Variants in MACROD2 observed in about 807,000 individuals in gnomAD.
MACROD2 encodes ADP-ribose glycohydrolase MACROD2.
In MACROD2, 36 loss-of-function variants were observed where a neutral mutation model predicts 70.4. The observed-to-expected ratio is 0.51, with a 90% CI of 0.39 to 0.68. The LOEUF (loss-of-function observed/expected upper bound fraction) is 0.68, where lower values mean the gene tolerates loss of function less well. Ranked by LOEUF, MACROD2 falls within the 30% of genes least tolerant of loss-of-function variation. The pLI is 0.00. For synonymous variants in MACROD2, 172 were observed against 178.8 expected, an observed-to-expected ratio of 0.96 and a Z score of 0.30; for missense variants, 496 against 538.4, an observed-to-expected ratio of 0.92 and a Z score of 0.78.
At chr20:15,453,367 G>T (rs2046670506) in intron 7 of MACROD2, among the ~76,000 whole-genome samples, 1 of 151,864 alleles carries the variant, frequency 6.6e-6, no homozygotes, top group Non-Finnish European at 1.5e-5. Context: ...ATTCAGATGT[G>T]ATCTTACCAG....
chr20:15,529,627 A>T (rs1255272974), intron 8 of MACROD2, among the ~76,000 whole-genome samples: 1 of 146,782 alleles, frequency 6.8e-6, no homozygotes, highest in South Asian at 2.1e-4. Context: ...AAGTGAATTG[A>T]AAAAAAAATC....
At chr20:14,841,519 G>T (rs1324547638) in intron 5 of MACROD2, among the ~76,000 whole-genome samples, 1 of 107,170 alleles carries the variant, frequency 9.3e-6, no homozygotes, top group East Asian at 2.1e-4. Context: ...TCAAGTAGAT[G>T]TTTTCAGGAA....
intron 5 of MACROD2, among the ~76,000 whole-genome samples, chr20:15,193,318 C>G (rs1301601335): frequency 6.6e-6 from 1 of 152,040 alleles, no homozygotes; most frequent in African/African-American, 2.4e-5. Flanking sequence ...GCTCTTTCTG[C>G]TTGAACTGTA....
chr20:14,625,066 A>G (rs1000578764), intron 4 of MACROD2, among the ~76,000 whole-genome samples: 1 of 152,126 alleles, frequency 6.6e-6, no homozygotes, highest in African/African-American at 2.4e-5. Context: ...GTGGTGGCTC[A>G]TGTCTGTAAT....
intron 8 of MACROD2, among the ~76,000 whole-genome samples, chr20:15,684,832 T>C (rs1230596626): frequency 6.6e-6 from 1 of 152,174 alleles, no homozygotes; most frequent in Non-Finnish European, 1.5e-5. Context: ...AAATTGAACA[T>C]GCATGTTTAT....
intron 11 of MACROD2, 142 bp downstream of exon 11, chr20:15,933,480 G>A: frequency 3.0e-6 from 2 of 661,856 alleles, no homozygotes; most frequent in Non-Finnish European, 5.0e-6. Flanking sequence ...CCCTCAGGAA[G>A]CCACCATCTC....
chr20:15,449,379 G>A (rs2046610886), intron 7 of MACROD2, among the ~76,000 whole-genome samples: 1 of 152,038 alleles, frequency 6.6e-6, no homozygotes, highest in Non-Finnish European at 1.5e-5. Context: ...AGCTTGAGGG[G>A]CATTTTTTAA....
intron 6 of MACROD2, among the ~76,000 whole-genome samples, chr20:15,388,116 G>A (rs1207897909): frequency 7.9e-5 from 12 of 151,988 alleles, no homozygotes; most frequent in Admixed American, 7.9e-4. Context: ...GACCTCAGTT[G>A]TATCTTAAGG....
intron 8 of MACROD2, among the ~76,000 whole-genome samples, chr20:15,830,762 G>A (rs1374638948): frequency 1.3e-5 from 2 of 152,100 alleles, no homozygotes; most frequent in African/African-American, 4.8e-5. Flanking sequence ...ATTATGAAAA[G>A]GAAATTAAAT....
At chr20:14,716,158 T>A (rs1395675769) in intron 5 of MACROD2, among the ~76,000 whole-genome samples, 1 of 152,232 alleles carries the variant, frequency 6.6e-6, no homozygotes, top group South Asian at 2.1e-4. Context: ...AGAGCCATGC[T>A]CTTTTGGAAT....
chr20:14,691,203 C>A (rs1041816339), intron 5 of MACROD2, among the ~76,000 whole-genome samples: 3 of 152,196 alleles, frequency 2.0e-5, no homozygotes, highest in African/African-American at 7.2e-5. Flanking sequence ...AGGTGTGAAC[C>A]ACAGCACCTG....
At chr20:15,037,702 A>G (rs1051361680) in intron 5 of MACROD2, among the ~76,000 whole-genome samples, 4 of 151,336 alleles carry the variant, frequency 2.6e-5, no homozygotes, top group African/African-American at 9.7e-5. Context: ...TTTGAACCAG[A>G]CTTGATGACA....
chr20:14,012,328 TG>T (rs1292277745), intron 2 of MACROD2, among the ~76,000 whole-genome samples: 3 of 152,262 alleles, frequency 2.0e-5, no homozygotes, highest in Non-Finnish European at 2.9e-5. Context: ...ATAATGACTT[TG>T]CTTTTTCTCA....
intron 8 of MACROD2, among the ~76,000 whole-genome samples, chr20:15,674,809 A>G (rs956027843): frequency 3.3e-5 from 5 of 152,018 alleles, no homozygotes; most frequent in African/African-American, 9.7e-5. Flanking sequence ...AAAGAAGTAG[A>G]TATACTGCAT....
At chr20:15,459,719 G>A (rs1453305541) in intron 7 of MACROD2, among the ~76,000 whole-genome samples, 2 of 152,044 alleles carry the variant, frequency 1.3e-5, no homozygotes, top group Admixed American at 6.5e-5. Flanking sequence ...TTCCTCTCCC[G>A]GGAGCCTATG....
At chr20:15,001,690 G>C (rs2074996626) in intron 5 of MACROD2, among the ~76,000 whole-genome samples, 2 of 151,868 alleles carry the variant, frequency 1.3e-5, no homozygotes, top group African/African-American at 4.8e-5. Context: ...TCTAGAACAT[G>C]TTATCTTATT....
intron 5 of MACROD2, among the ~76,000 whole-genome samples, chr20:14,877,646 G>C (rs776791207): frequency 6.6e-6 from 1 of 151,764 alleles, no homozygotes; most frequent in African/African-American, 2.4e-5. Flanking sequence ...AGTTTCTTGA[G>C]GTTTTTTTGT....
intron 10 of MACROD2, among the ~76,000 whole-genome samples, chr20:15,918,404 C>T (rs2065351979): frequency 6.6e-6 from 1 of 152,188 alleles, no homozygotes; most frequent in Non-Finnish European, 1.5e-5. Flanking sequence ...CTAACATTTT[C>T]ATGTGATCGG....
intron 3 of MACROD2, among the ~76,000 whole-genome samples, chr20:14,295,339 G>A (rs2082418148): frequency 1.3e-5 from 2 of 151,926 alleles, no homozygotes; most frequent in Admixed American, 6.6e-5. Flanking sequence ...TTTTCAGATA[G>A]CAGACAACAG....
Sources: allele counts gnomAD v4.1 joint callset (sites outside exome capture counted in the v4.1 genomes callset), GRCh38; gene constraint gnomAD v4.1.1; transcripts MANE v1.5; gene names NCBI Gene and HGNC (gene_info 2026-07-23, HGNC 2026-07-21).